PPP2R3A: variants seen among roughly 807,000 people sequenced by gnomAD.
PPP2R3A encodes protein phosphatase 2 regulatory subunit B''alpha.
Under a neutral mutation model 106.9 loss-of-function variants are expected in PPP2R3A, and 80 were observed. That is an observed-to-expected ratio of 0.75 (90% CI 0.62 to 0.90). The LOEUF (loss-of-function observed/expected upper bound fraction) is 0.90, where lower values mean the gene tolerates loss of function less well. Among genes scored for constraint, PPP2R3A ranks in the 40% least tolerant of loss-of-function variants. The pLI, the probability that PPP2R3A is intolerant of heterozygous loss-of-function variation, is 0.00. For synonymous variants in PPP2R3A, 483 were observed against 468.3 expected, an observed-to-expected ratio of 1.03 and a Z score of -0.41; for missense variants, 1,386 against 1,350.4, an observed-to-expected ratio of 1.03 and a Z score of -0.41.
chr3:136,143,989 T>C (rs1047762373), intron 13 of PPP2R3A, among the ~76,000 whole-genome samples: 1 of 152,248 alleles, frequency 6.6e-6, no homozygotes, highest in Non-Finnish European at 1.5e-5. Flanking sequence ...AATACTATAA[T>C]AGACATTGCT....
At chr3:136,038,157 T>C (rs16843661) in intron 3 of PPP2R3A, among the ~76,000 whole-genome samples, 1,650 of 152,290 alleles carry the variant, frequency 0.011, 24 homozygotes, top group African/African-American at 0.037. Flanking sequence ...TAGAGTGTAA[T>C]GTCCATAGCC....
chr3:136,016,849 A>G (rs1934286622), intron 2 of PPP2R3A, among the ~76,000 whole-genome samples: 1 of 152,110 alleles, frequency 6.6e-6, no homozygotes, highest in Admixed American at 6.5e-5. Context: ...TATTCTATTC[A>G]TCATATTAGT....
intron 4 of PPP2R3A, among the ~76,000 whole-genome samples, chr3:136,048,602 G>C (rs1255977928): frequency 6.6e-6 from 1 of 151,974 alleles, no homozygotes; most frequent in East Asian, 1.9e-4. Context: ...AACCCAGGAG[G>C]TGGAGGCTGC....
At chr3:136,102,260 T>G (rs1236573439) in intron 11 of PPP2R3A, 78 bp downstream of exon 11, 1 of 1,463,536 alleles carries the variant, frequency 6.8e-7, no homozygotes, top group Non-Finnish European at 9.3e-7. Flanking sequence ...TTGTCCTAAA[T>G]TATTTAACAT....
intron 1 of PPP2R3A, among the ~76,000 whole-genome samples, chr3:135,982,586 C>CTCTCTTACAGCATGTACTCA (rs1937552339): frequency 6.6e-6 from 1 of 152,152 alleles, no homozygotes; most frequent in Non-Finnish European, 1.5e-5. Context: ...ACCTTGCTGG[C>CTCTCTTACAGCATGTACTCA]TCTCTTACAG....
At chr3:136,004,699 A>T (rs778567680) in intron 2 of PPP2R3A, among the ~76,000 whole-genome samples, 6 of 152,208 alleles carry the variant, frequency 3.9e-5, no homozygotes, top group Non-Finnish European at 8.8e-5. Flanking sequence ...GAAGAAATAC[A>T]TGGATACACA....
At chr3:136,097,044 T>G (rs111522618) in intron 10 of PPP2R3A, among the ~76,000 whole-genome samples, 11 of 152,382 alleles carry the variant, frequency 7.2e-5, no homozygotes, top group African/African-American at 2.4e-4. Context: ...ATCATTATGC[T>G]TTGAAAAACC....
chr3:135,968,126 GTTAT>G (rs1185376214), intron 1 of PPP2R3A, among the ~76,000 whole-genome samples: 1 of 152,182 alleles, frequency 6.6e-6, no homozygotes, highest in Non-Finnish European at 1.5e-5. Context: ...GGCGGGAACA[GTTAT>G]TTATTTAACA....
intron 3 of PPP2R3A, among the ~76,000 whole-genome samples, chr3:136,030,778 A>ATATATATGTATGTATGTATG (rs1206335696): frequency 7.2e-5 from 8 of 111,258 alleles, no homozygotes; most frequent in Admixed American, 1.7e-4. Context: ...ATATATATAT[A>ATATATATGTATGTATGTATG]TATGTATGTA....
intron 13 of PPP2R3A, among the ~76,000 whole-genome samples, chr3:136,128,775 ACT>A (rs1391316405): frequency 1.3e-5 from 2 of 152,032 alleles, no homozygotes; most frequent in Non-Finnish European, 2.9e-5. Context: ...GAAGTAAAGC[ACT>A]CCTCAGCAAA....
Position 136,133,911 on chromosome 3 carries a change from A to C in PPP2R3A, c.3330-11132A>C, listed in dbSNP as rs561111268. ...ATCTCAAAAAAAAAAAAAAAAAAGA[A>C]ATTTACTAAAATGCACTGAACACTT... On this transcript the variant is annotated intron_variant, in intron 13 of 13. Transcript: ENST00000264977. Among the ~76,000 whole-genome samples, 6 of 150,966 alleles carry C rather than the reference A, an allele frequency of 4.0e-5. No individual in the cohort carries two copies. The South Asian group carries it at 1.2e-3, about 31-fold the overall frequency.
chr3:135,967,891 A>G (rs1468006368), intron 1 of PPP2R3A, among the ~76,000 whole-genome samples: 2 of 152,220 alleles, frequency 1.3e-5, no homozygotes, highest in African/African-American at 4.8e-5. Flanking sequence ...TGTGCAGCGT[A>G]GGATGTTTAG....
intron 1 of PPP2R3A, among the ~76,000 whole-genome samples, chr3:135,988,163 C>T (rs1933004841): frequency 6.6e-6 from 1 of 151,934 alleles, no homozygotes; most frequent in African/African-American, 2.4e-5. Flanking sequence ...CTTGCAACCA[C>T]TACTTCCTCT....
At position 135,981,338 on chromosome 3, in the gene PPP2R3A, G is replaced by A. The variant is rs58408938; in HGVS notation, c.-441+15489G>A. ...TAGAGGATTTGGGATGGGGGCCAGG[G>A]GTGCTGGTCTTAGGTTCAAAGAAAA... On this transcript the variant is annotated intron_variant, in intron 1 of 13. Coordinates refer to ENST00000264977, the MANE Select transcript of PPP2R3A (RefSeq NM_002718.5). Among the ~76,000 whole-genome samples the A allele has an allele frequency of 3.2e-3, 489 of 151,770 alleles. 17 individuals carry two copies. Among genetic ancestry groups the A allele is most frequent in the African/African-American group, 0.012 (476 of 41,106 alleles).
At chr3:135,998,711 T>C (rs1933501626) in intron 1 of PPP2R3A, among the ~76,000 whole-genome samples, 1 of 152,178 alleles carries the variant, frequency 6.6e-6, no homozygotes, top group Middle Eastern at 3.2e-3. Context: ...TGAAAACAAA[T>C]AGTAAATAAC....
intron 2 of PPP2R3A, among the ~76,000 whole-genome samples, chr3:136,020,858 G>C (rs376487983): frequency 1.4e-4 from 22 of 152,062 alleles, no homozygotes; most frequent in African/African-American, 5.1e-4. Flanking sequence ...TATGTTAAGT[G>C]GAGTTCCTTT....
intron 2 of PPP2R3A, among the ~76,000 whole-genome samples, chr3:136,011,142 A>G (rs1282125067): frequency 6.6e-6 from 1 of 152,032 alleles, no homozygotes; most frequent in Non-Finnish European, 1.5e-5. Context: ...TTGTAAAAAT[A>G]TCACTTCACT....
intron 5 of PPP2R3A, among the ~76,000 whole-genome samples, chr3:136,061,456 C>T (rs1374601421): frequency 2.6e-5 from 4 of 152,018 alleles, no homozygotes; most frequent in African/African-American, 7.2e-5. Flanking sequence ...GGTGAAACCA[C>T]ATCTCTACTA....
intron 4 of PPP2R3A, 33 bp downstream of exon 4, chr3:136,040,995 C>G (rs1420155455): frequency 6.4e-7 from 1 of 1,570,858 alleles, no homozygotes; most frequent in Non-Finnish European, 8.7e-7. Context: ...TGGAGCTAGG[C>G]AAAGAATTGT....
Sources: gnomAD v4.1 joint callset for allele counts (sites outside exome capture counted in the v4.1 genomes callset) on GRCh38, gnomAD v4.1.1 for gene constraint, MANE v1.5 for transcripts, NCBI Gene and HGNC (gene_info 2026-07-23, HGNC 2026-07-21) for gene names.